ABCB9: variants seen among roughly 807,000 people sequenced by gnomAD.
ABCB9 encodes the protein ABC-type oligopeptide transporter ABCB9.
ABCB9 carries 36 observed loss-of-function variants against 62.0 expected under a neutral mutation model. That is an observed-to-expected ratio of 0.58 (90% confidence interval 0.45 to 0.77). The LOEUF is 0.77. Ranked by LOEUF, ABCB9 falls within the 30% of genes least tolerant of loss-of-function variation. The probability of loss-of-function intolerance (pLI) is 0.00; values close to 1 mark genes in which losing one functional copy is unlikely to be tolerated. For missense variants in ABCB9, 943 were observed against 1,054.7 expected (o/e 0.89, Z 1.47); for synonymous variants, 435 against 461.4 (o/e 0.94, Z 0.73).
At chr12:122,926,964 AG>A (rs1490971159), downstream of ABCB9, among the ~76,000 whole-genome samples, 1 of 152,224 alleles carries the variant, frequency 6.6e-6, no homozygotes, top group African/African-American at 2.4e-5. Context: ...ACACTGGAAC[AG>A]AAAGAGGACA....
chr12:122,940,149 G>A lies in ABCB9; in HGVS notation c.1705C>T (p.Pro569Ser). The part of the protein sequence containing the change: ...EGGRVLLDGK[P>S]ISAYDHKYLH... ...TACTTGTGGTCGTAGGCGCTGATGG[G>A]CTTGCCGTCCAGCAGCACCCGGCCC... The change falls in exon 9 of 12, where the codon CCC becomes TCC. Residue 569 changes from proline to serine, a missense_variant. Pro to Ser is a moderately conservative substitution (Grantham distance 74). Coordinates refer to ENST00000280560, the MANE Select transcript of ABCB9 (RefSeq NM_019625.4). This position sits in a 1 kb window ranked among gnomAD's most constrained non-coding sequence, Gnocchi z 4.8. 1.2e-6 allele frequency: 2 copies of A among 1,613,162 alleles called. No individual in the cohort carries two copies. The highest frequency in any genetic ancestry group is 1.7e-5 in the Admixed American group (1 of 59,804).
chr12:122,942,775 G>A (rs1387741401), intron 7 of ABCB9, among the ~76,000 whole-genome samples: 1 of 152,156 alleles, frequency 6.6e-6, no homozygotes, highest in Non-Finnish European at 1.5e-5. Flanking sequence ...CTGCACCCCA[G>A]CCTGGGTGAC....
chr12:122,928,759 G>A (rs1380794490), downstream of ABCB9, among the ~76,000 whole-genome samples: 1 of 152,084 alleles, frequency 6.6e-6, no homozygotes, highest in East Asian at 1.9e-4. Context: ...GGGATTTCAA[G>A]GCAACGTCTC....
At chr12:122,943,622 A>G (rs2035882247) in intron 7 of ABCB9, among the ~76,000 whole-genome samples, 1 of 151,904 alleles carries the variant, frequency 6.6e-6, no homozygotes. Flanking sequence ...TGGTAGTATT[A>G]TCATTCTTTC....
intron 7 of ABCB9, among the ~76,000 whole-genome samples, chr12:122,943,556 G>T (rs1209167684): frequency 6.6e-6 from 1 of 152,110 alleles, no homozygotes; most frequent in Non-Finnish European, 1.5e-5. Context: ...TCACAGAGCT[G>T]TTAAGACCAT....
At chr12:122,953,215 A>AT (rs145121710) in intron 2 of ABCB9, 3,718 of 138,834 alleles carry the variant, frequency 0.027, 69 homozygotes, top group Non-Finnish European at 0.04. Context: ...TACCACATAC[A>AT]TTTTTTTTTT....
At chr12:122,922,830 T>A (rs947743412) in intron 11 of ABCB9, among the ~76,000 whole-genome samples, 1 of 152,200 alleles carries the variant, frequency 6.6e-6, no homozygotes, top group Admixed American at 6.6e-5. Context: ...TCTCGCTCTA[T>A]CACCCGGGCT....
chr12:122,974,146 C>A (rs1447613485), intron 1 of ABCB9, among the ~76,000 whole-genome samples: 1 of 152,234 alleles, frequency 6.6e-6, no homozygotes, highest in African/African-American at 2.4e-5. Context: ...ATGTGCCAGG[C>A]CTGCCTGGTG....
chr12:122,959,983 C>A lies in ABCB9; in HGVS notation c.253G>T (p.Val85Phe), dbSNP rs865975482. The change falls in exon 2 of 12, where the codon GTC becomes TTC. Residue 85 changes from valine (V) to phenylalanine (F), a missense_variant. Coordinates refer to ENST00000280560, the MANE Select transcript of ABCB9 (RefSeq NM_019625.4). The surrounding 1 kb of genome is among the most constrained non-coding windows in gnomAD (Gnocchi z 5.4). ...ACGAAGAGGCACACGAGGGTGATGA[C>A]CAGCCACGAGGCCCGCAGCCGCCGG... ...GPRRLRASWL[V>F]ITLVCLFVGI... 2 of 1,613,262 alleles carry A rather than the reference C, an allele frequency of 1.2e-6. No individual in the cohort carries two copies. The highest frequency in any genetic ancestry group is 1.7e-6 in the Non-Finnish European group (2 of 1,180,006).
chr12:122,960,469 C>A, intron 1 of ABCB9, 147 bp from the exon 2 acceptor site: 1 of 603,274 alleles, frequency 1.7e-6, no homozygotes, highest in Non-Finnish European at 2.9e-6. Flanking sequence ...TACTAAGATT[C>A]CACTCATTCA....
chr12:122,970,172 C>T (rs184368268), upstream of ABCB9, among the ~76,000 whole-genome samples: 2 of 152,206 alleles, frequency 1.3e-5, no homozygotes, highest in African/African-American at 2.4e-5. Flanking sequence ...CTCCGCCTCC[C>T]GGGGTCAAGT....
chr12:122,953,077 A>ACCTTTGTCTTCTCCCCGC (rs1273373421), intron 2 of ABCB9: 5 of 152,162 alleles, frequency 3.3e-5, no homozygotes, highest in African/African-American at 1.2e-4. Context: ...GCTAGCAGAG[A>ACCTTTGTCTTCTCCCCGC]CCTTTGTCTT....
At chr12:122,962,990 C>A (rs1461055553) in intron 1 of ABCB9, among the ~76,000 whole-genome samples, 1 of 152,144 alleles carries the variant, frequency 6.6e-6, no homozygotes, top group African/African-American at 2.4e-5. Flanking sequence ...AGATAACATT[C>A]AATATAGAAA....
chr12:122,950,822 G>C (rs1403721842), intron 2 of ABCB9: 1 of 425,172 alleles, frequency 2.4e-6, no homozygotes, highest in African/African-American at 2.0e-5. Flanking sequence ...ACCAGGCATC[G>C]AGCCAGGGCT....
chr12:122,931,620 G>A (rs774041771), intron 11 of ABCB9: 16 of 149,510 alleles, frequency 1.1e-4, no homozygotes, highest in Non-Finnish European at 2.0e-4. Flanking sequence ...CCATCATACT[G>A]GGCCTATTTT....
rs760211146 is a variant in ABCB9 at position 122,930,797 on chromosome 12, ATGGTGCCTGGTGCC to A, written c.2041-640_2041-627del. ...CTAGTTAGCCCACGATAACCCCAGA[ATGGTGCCTGGTGCC>A]TGGTGCCTGAGAAGAGCTCAGTAAC... On this transcript the variant is annotated intron_variant, in intron 11 of 11. Transcript: ENST00000280560. This position sits in a 1 kb window ranked among gnomAD's most constrained non-coding sequence, Gnocchi z 4.9. Among the ~76,000 whole-genome samples the A allele has an allele frequency of 6.6e-6, 1 of 152,108 alleles. No individual in the cohort carries two copies. The highest frequency in any genetic ancestry group is 1.5e-5 in the Non-Finnish European group (1 of 68,024).
chr12:122,939,080 G>A (rs1228156498), intron 9 of ABCB9, among the ~76,000 whole-genome samples: 1 of 152,018 alleles, frequency 6.6e-6, no homozygotes, highest in Non-Finnish European at 1.5e-5. Flanking sequence ...GCTGAGATAG[G>A]AGAATAGCTT....
chr12:122,968,877 G>A (rs922094040), upstream of ABCB9, among the ~76,000 whole-genome samples: 2 of 151,984 alleles, frequency 1.3e-5, no homozygotes, highest in Admixed American at 6.6e-5. Context: ...GGCCTCCCAC[G>A]GTGCTGGGAT....
chr12:122,935,931 C>A (rs1239954401), intron 9 of ABCB9, among the ~76,000 whole-genome samples: 3 of 152,050 alleles, frequency 2.0e-5, no homozygotes, highest in African/African-American at 4.8e-5. Flanking sequence ...TATGGCCAGG[C>A]CTGGTGGCTC....
Sources: gnomAD v4.1 joint callset for allele counts (sites outside exome capture counted in the v4.1 genomes callset) on GRCh38, gnomAD v4.1.1 for gene constraint, Gnocchi (gnomAD v3.1) non-coding constraint, MANE v1.5 for transcripts, NCBI Gene and HGNC (gene_info 2026-07-23, HGNC 2026-07-21) for gene names.